Variants in NAV2 observed in about 807,000 individuals in gnomAD.
The protein encoded by NAV2 is helicase, APC down-regulated 1.
In NAV2, 54 loss-of-function variants were observed where a neutral mutation model predicts 223.2. That is an observed-to-expected ratio of 0.24 (90% CI 0.19 to 0.30). The LOEUF (loss-of-function observed/expected upper bound fraction) is 0.30. Among genes scored for constraint, NAV2 ranks in the 10% least tolerant of loss-of-function variants. The pLI is 1.00. For missense variants in NAV2, 2,806 were observed against 3,147.5 expected, an observed-to-expected ratio of 0.89 and a Z score of 2.60; for synonymous variants, 1,279 against 1,239.3, an observed-to-expected ratio of 1.03 and a Z score of -0.67.
At chr11:19,774,591 G>C (rs888699854) in intron 1 of NAV2, among the ~76,000 whole-genome samples, 1 of 152,146 alleles carries the variant, frequency 6.6e-6, no homozygotes, top group Non-Finnish European at 1.5e-5. Flanking sequence ...CTGTGTGTGT[G>C]CATGGTAGGG....
intron 6 of NAV2, among the ~76,000 whole-genome samples, chr11:19,898,033 A>G (rs1591133224): frequency 6.6e-6 from 1 of 151,862 alleles, no homozygotes; most frequent in Non-Finnish European, 1.5e-5. Context: ...TTGTGATATT[A>G]CGTGTTTTCT....
rs77133440 is a variant in NAV2, at chr11:19,580,380, G to T, written c.75+229353G>T. 6.3e-3 allele frequency among the ~76,000 whole-genome samples: 963 copies of T among 151,808 alleles called. 16 individuals carry two copies. Among genetic ancestry groups the T allele is most frequent in the Admixed American group, 0.035 (536 of 15,268 alleles). On this transcript the variant is annotated intron_variant, in intron 1 of 37. Coordinates refer to the NAV2 transcript ENST00000360655. ...GAAGACATTTATATTTTACAGTTAT[G>T]GGGGCTGAGAAGTCCAAGATCAAGG...
At chr11:19,800,023 A>G (rs1230190966) in intron 1 of NAV2, among the ~76,000 whole-genome samples, 1 of 152,214 alleles carries the variant, frequency 6.6e-6, no homozygotes, top group Admixed American at 6.5e-5. Context: ...GCATCTTGGC[A>G]GTTTCCTGGA....
At chr11:20,069,081 A>T (rs2059230170) in intron 22 of NAV2, among the ~76,000 whole-genome samples, 1 of 152,144 alleles carries the variant, frequency 6.6e-6, no homozygotes, top group South Asian at 2.1e-4. Flanking sequence ...TGGGGGATGA[A>T]AAAGGGGACA....
chr11:19,408,859 C>T (rs1372809900), intron 1 of NAV2, among the ~76,000 whole-genome samples: 1 of 151,990 alleles, frequency 6.6e-6, no homozygotes, highest in Non-Finnish European at 1.5e-5. Context: ...GAAGACAGCC[C>T]TCCTGCCCCC....
intron 1 of NAV2, among the ~76,000 whole-genome samples, chr11:19,450,595 T>C (rs2133786953): frequency 1.3e-5 from 2 of 152,360 alleles, no homozygotes; most frequent in Middle Eastern, 3.4e-3. Flanking sequence ...AAAAATGTCC[T>C]ATTAATAAAA....
In NAV2 at chr11:19,948,716, A is replaced by G. The variant is rs1358441879; in HGVS notation, c.2281A>G (p.Asn761Asp). 3 of 1,591,646 alleles carry G rather than the reference A, an allele frequency of 1.9e-6. No homozygotes were observed. Among genetic ancestry groups the G allele is most frequent in the Admixed American group, 3.4e-5 (2 of 58,274 alleles). The change falls in exon 10 of 38, where the codon AAT becomes GAT. Residue 761 changes from asparagine to aspartate, a missense_variant. By Grantham distance (23) the Asn-to-Asp change is conservative. Coordinates refer to ENST00000349880, the MANE Select transcript of NAV2 (RefSeq NM_145117.5). ...HSTLETTFDTNVTTEMSGRSI... is the reference protein window; with the variant it reads ...HSTLETTFDTDVTTEMSGRSI... ...CACATTGGAAACCACGTTTGACACC[A>G]ATGTCACCACGGAGATGAGTGGCCG...
chr11:19,605,147 C>T (rs546827514), intron 1 of NAV2, among the ~76,000 whole-genome samples: 26 of 152,304 alleles, frequency 1.7e-4, no homozygotes, highest in Middle Eastern at 6.8e-3. Flanking sequence ...CATGTTCTAA[C>T]TACTACATTG....
chr11:20,019,337 G>C lies in NAV2; in HGVS notation c.2769-16622G>C, dbSNP rs79086631. On this transcript the variant is annotated intron_variant, in intron 11 of 37. Coordinates refer to ENST00000349880, the MANE Select transcript of NAV2 (RefSeq NM_145117.5). ...TTACATCGGAGGCAAGAAGGAGGGA[G>C]AGAATTAGGACTGTTAATGTAGAGT... Among the ~76,000 whole-genome samples, 573 of 152,316 alleles carry C rather than the reference G, an allele frequency of 3.8e-3. 1 individual carries two copies. The highest frequency in any genetic ancestry group is 0.013 in the African/African-American group (557 of 41,566).
At chr11:19,792,666 A>G (rs1446703812) in intron 1 of NAV2, among the ~76,000 whole-genome samples, 1 of 152,156 alleles carries the variant, frequency 6.6e-6, no homozygotes, top group Non-Finnish European at 1.5e-5. Context: ...TCCCTTTGGG[A>G]CATCTCTTCT....
chr11:19,622,969 A>G (rs982363265), intron 1 of NAV2, among the ~76,000 whole-genome samples: 9 of 152,294 alleles, frequency 5.9e-5, no homozygotes, highest in South Asian at 2.1e-4. Flanking sequence ...GGTGGTGACA[A>G]AATCTCTCAG....
At chr11:20,049,992 C>T in intron 16 of NAV2, 91 bp downstream of exon 16, 2 of 1,148,600 alleles carry the variant, frequency 1.7e-6, no homozygotes, top group Non-Finnish European at 2.6e-6. Context: ...AGGCTGTTGG[C>T]CTAAGCCACC....
chr11:19,780,089 C>A (rs2056613988), intron 1 of NAV2, among the ~76,000 whole-genome samples: 1 of 152,190 alleles, frequency 6.6e-6, no homozygotes, highest in African/African-American at 2.4e-5. Context: ...CTAATTGGAT[C>A]AAAAATAAGG....
intron 1 of NAV2, among the ~76,000 whole-genome samples, chr11:19,498,330 G>A (rs1165314655): frequency 1.3e-5 from 2 of 152,210 alleles, no homozygotes; most frequent in Non-Finnish European, 2.9e-5. Context: ...AAGGGGGAGG[G>A]CACAGTCTTT....
At chr11:19,513,459 G>A (rs1000365651) in intron 1 of NAV2, among the ~76,000 whole-genome samples, 2 of 152,180 alleles carry the variant, frequency 1.3e-5, no homozygotes, top group African/African-American at 4.8e-5. Context: ...ATCAGCAGCA[G>A]GGCATCTCTG....
intron 26 of NAV2, among the ~76,000 whole-genome samples, chr11:20,088,472 G>A (rs1276269725): frequency 1.3e-5 from 2 of 152,210 alleles, no homozygotes; most frequent in East Asian, 1.9e-4. Context: ...GCCAACCCGG[G>A]CCAAGAATGT....
At chr11:19,571,872 G>A (rs1321258367) in intron 1 of NAV2, among the ~76,000 whole-genome samples, 2 of 152,202 alleles carry the variant, frequency 1.3e-5, no homozygotes, top group Non-Finnish European at 2.9e-5. Context: ...CCCAAAGGCT[G>A]AATGATAAGA....
chr11:19,794,186 C>A (rs1327348571), intron 1 of NAV2, among the ~76,000 whole-genome samples: 2 of 152,170 alleles, frequency 1.3e-5, no homozygotes, highest in African/African-American at 4.8e-5. Flanking sequence ...GAATGAATGA[C>A]AAATGACTTG....
chr11:20,099,365 T>G (rs1327480987), intron 31 of NAV2, among the ~76,000 whole-genome samples: 1 of 152,212 alleles, frequency 6.6e-6, no homozygotes. Context: ...CATGCGTTGT[T>G]CACTTGCTGG....
Sources: gnomAD v4.1 joint callset for allele counts (sites outside exome capture counted in the v4.1 genomes callset) on GRCh38, gnomAD v4.1.1 for gene constraint, MANE v1.5 for transcripts, NCBI Gene and HGNC (gene_info 2026-07-23, HGNC 2026-07-21) for gene names.